The following PLXNA4 variants were observed in gnomAD, a reference collection of about 807,000 sequenced individuals.
PLXNA4 encodes the protein plexin-A4.
PLXNA4 carries 44 observed loss-of-function variants against 191.8 expected under a neutral mutation model. That is an observed-to-expected ratio of 0.23 (90% CI 0.18 to 0.29). The LOEUF (loss-of-function observed/expected upper bound fraction) is 0.29, where lower values mean the gene tolerates loss of function less well. Ranked by LOEUF, PLXNA4 falls within the 10% of genes least tolerant of loss-of-function variation. The probability of loss-of-function intolerance (pLI) is 1.00; values close to 1 mark genes in which losing one functional copy is unlikely to be tolerated. For missense variants in PLXNA4, 1,800 were observed against 2,488.8 expected (o/e 0.72, Z 5.89); for synonymous variants, 1,082 against 1,009.5 (o/e 1.07, Z -1.36).
chr7:132,130,449 C>A lies in PLXNA4; in HGVS notation c.*30G>T. The A allele has an allele frequency of 6.2e-7, 1 of 1,613,956 alleles. No homozygotes were observed. The highest frequency in any genetic ancestry group is 1.3e-5 in the African/African-American group (1 of 75,016). ...GACTGAGGCACGGCTTGGTGTGTCC[C>A]CCTCCAGGGCGGCCCTGGAAGGACG... is the stretch of plus-strand genomic sequence containing the variant. On this transcript the variant is annotated 3_prime_UTR_variant, in exon 32 of 32. Coordinates refer to ENST00000321063, the MANE Select transcript of PLXNA4 (RefSeq NM_020911.2).
At chr7:132,208,208 A>G (rs556171179) in intron 10 of PLXNA4, among the ~76,000 whole-genome samples, 86 of 152,358 alleles carry the variant, frequency 5.6e-4, no homozygotes, top group African/African-American at 1.9e-3. Flanking sequence ...AGAGGCTCCC[A>G]GGAAATGTCA....
At chr7:132,572,086 C>T (rs918665274) in intron 1 of PLXNA4, among the ~76,000 whole-genome samples, 1 of 152,194 alleles carries the variant, frequency 6.6e-6, no homozygotes, top group Non-Finnish European at 1.5e-5. Context: ...CAAGCACTCA[C>T]CCATAAACCT....
chr7:132,476,431 A>C (rs1206661352), intron 3 of PLXNA4, among the ~76,000 whole-genome samples: 1 of 152,236 alleles, frequency 6.6e-6, no homozygotes, highest in Non-Finnish European at 1.5e-5. Context: ...TGACTTTGAG[A>C]GATAAAAATC....
rs78155428 is a variant in PLXNA4 at position 132,290,213 on chromosome 7, G to A, written c.1503+7878C>T. Among the ~76,000 whole-genome samples, 21 of 152,356 alleles carry A rather than the reference G, an allele frequency of 1.4e-4. No homozygotes were observed. In the East Asian group the frequency reaches 2.9e-3, roughly 21 times the overall value. Reference sequence around the variant, plus strand: ...AAAAGATGGCTTTGGTCCAAACATCGCTGAAACAGATCCCCAAAGCAGAAA... The same window carrying A: ...AAAAGATGGCTTTGGTCCAAACATCACTGAAACAGATCCCCAAAGCAGAAA... On this transcript the variant is annotated intron_variant, in intron 4 of 31. Transcript: ENST00000321063.
At chr7:132,486,256 C>T (rs1797554156) in intron 3 of PLXNA4, among the ~76,000 whole-genome samples, 1 of 152,226 alleles carries the variant, frequency 6.6e-6, no homozygotes, top group Non-Finnish European at 1.5e-5. Flanking sequence ...CTTGTCACGG[C>T]TGGGCCTCTG....
chr7:132,221,152 T>C (rs1444708167), intron 9 of PLXNA4, among the ~76,000 whole-genome samples: 1 of 152,178 alleles, frequency 6.6e-6, no homozygotes, highest in African/African-American at 2.4e-5. Flanking sequence ...TATTCCCTTC[T>C]GGTTCTTTTT....
At chr7:132,566,183 G>T (rs1035645375) in intron 1 of PLXNA4, among the ~76,000 whole-genome samples, 2 of 152,122 alleles carry the variant, frequency 1.3e-5, no homozygotes, top group Non-Finnish European at 2.9e-5. Flanking sequence ...GCATGGGGGG[G>T]CTCTATAATT....
intron 4 of PLXNA4, among the ~76,000 whole-genome samples, chr7:132,262,900 G>C (rs977155613): frequency 3.3e-5 from 5 of 152,126 alleles, no homozygotes; most frequent in African/African-American, 1.2e-4. Context: ...ACAACTCTGC[G>C]TAACACCACA....
intron 1 of PLXNA4, among the ~76,000 whole-genome samples, chr7:132,540,615 C>G (rs1323437617): frequency 9.3e-6 from 1 of 107,708 alleles, no homozygotes; most frequent in Non-Finnish European, 1.7e-5. Context: ...GAGTCTTGCT[C>G]TGTCGCCCAG....
chr7:132,407,263 C>T (rs1447989487), intron 3 of PLXNA4, among the ~76,000 whole-genome samples: 1 of 152,160 alleles, frequency 6.6e-6, no homozygotes, highest in African/African-American at 2.4e-5. Flanking sequence ...CTCGGAGGCC[C>T]TCTGAACAGC....
chr7:132,604,156 A>G (rs920497703), intron 2 of PLXNA4, among the ~76,000 whole-genome samples: 1 of 152,026 alleles, frequency 6.6e-6, no homozygotes, highest in Non-Finnish European at 1.5e-5. Flanking sequence ...GGCGGGGGGC[A>G]CCTAACACAA....
At chr7:132,214,273 C>T (rs549147578) in intron 9 of PLXNA4, among the ~76,000 whole-genome samples, 161 of 152,300 alleles carry the variant, frequency 1.1e-3, no homozygotes, top group Non-Finnish European at 2.1e-3. Context: ...AACCTGTCTC[C>T]CACGTCCCCT....
intron 2 of PLXNA4, among the ~76,000 whole-genome samples, chr7:132,602,449 G>T (rs1164606231): frequency 1.3e-5 from 2 of 152,248 alleles, no homozygotes; most frequent in East Asian, 1.9e-4. Flanking sequence ...TGGCCCCGTG[G>T]TCTCCTTGTT....
At chr7:132,593,681 T>C (rs1020382610) in intron 2 of PLXNA4, among the ~76,000 whole-genome samples, 2 of 152,220 alleles carry the variant, frequency 1.3e-5, no homozygotes, top group African/African-American at 4.8e-5. Context: ...CAGGTCTCAC[T>C]GGCTCAGCCT....
intron 4 of PLXNA4, among the ~76,000 whole-genome samples, chr7:132,289,010 G>T (rs1228669468): frequency 6.6e-6 from 1 of 152,134 alleles, no homozygotes; most frequent in Non-Finnish European, 1.5e-5. Context: ...CCACTTAGGG[G>T]TCCCAAGCCT....
rs565858602 is a variant in PLXNA4 at position 132,422,645 on chromosome 7, A to G, written c.1371+66647T>C. Among the ~76,000 whole-genome samples, 21 of 152,286 alleles carry G rather than the reference A, an allele frequency of 1.4e-4. No homozygotes were observed. The South Asian group carries it at 3.9e-3, about 29-fold the overall frequency. ...CCTTTATGACTCAAGCTAATTCACG[A>G]TGTGCTTAGTCAGATGTCCAGTTGC... On this transcript the variant is annotated intron_variant, in intron 3 of 31. Transcript: ENST00000321063.
chr7:132,584,319 A>G (rs1563187167), intron 2 of PLXNA4, among the ~76,000 whole-genome samples: 1 of 152,226 alleles, frequency 6.6e-6, no homozygotes, highest in African/African-American at 2.4e-5. Flanking sequence ...TGACACTAAA[A>G]TCAAATTGTT....
At chr7:132,240,560 G>T (rs1411402668) in intron 5 of PLXNA4, among the ~76,000 whole-genome samples, 1 of 152,216 alleles carries the variant, frequency 6.6e-6, no homozygotes, top group Admixed American at 6.5e-5. Flanking sequence ...CACTTCAACT[G>T]CAGACCCAAA....
chr7:132,585,949 C>T (rs918138294), intron 2 of PLXNA4, among the ~76,000 whole-genome samples: 3 of 152,194 alleles, frequency 2.0e-5, no homozygotes, highest in East Asian at 3.8e-4. Context: ...GAAGAACAAA[C>T]TTGGTTAGGC....
Sources: allele counts gnomAD v4.1 joint callset (sites outside exome capture counted in the v4.1 genomes callset), GRCh38; gene constraint gnomAD v4.1.1; transcripts MANE v1.5; gene names NCBI Gene and HGNC (gene_info 2026-07-23, HGNC 2026-07-21).